SUGP1: variants seen among roughly 807,000 people sequenced by gnomAD.
The protein encoded by SUGP1 is SURP and G-patch domain containing 1.
A neutral mutation model predicts 76.5 loss-of-function variants in SUGP1; 34 were observed. That is an observed-to-expected ratio of 0.44 (90% CI 0.34 to 0.59). The LOEUF (loss-of-function observed/expected upper bound fraction) is 0.59, where lower values mean the gene tolerates loss of function less well. Among genes scored for constraint, SUGP1 ranks in the 20% least tolerant of loss-of-function variants. The probability of loss-of-function intolerance (pLI) is 0.01; values close to 1 mark genes in which losing one functional copy is unlikely to be tolerated. For missense variants in SUGP1, 752 were observed against 851.7 expected (o/e 0.88, Z 1.46); for synonymous variants, 326 against 326.2 (o/e 1.00, Z 0.01).
At chr19:19,306,110 T>G in intron 3 of SUGP1, 34 bp from the exon 4 acceptor site, 90 of 1,494,752 alleles carry the variant, frequency 6.0e-5, no homozygotes, top group Middle Eastern at 2.0e-4. Context: ...GCACTCGGGA[T>G]CTGCAGGGCA....
chr19:19,312,010 T>C (rs2061356521), intron 2 of SUGP1, among the ~76,000 whole-genome samples: 2 of 151,848 alleles, frequency 1.3e-5, no homozygotes, highest in Admixed American at 6.6e-5. Flanking sequence ...AGGCTCATTA[T>C]GGAACAAATG....
At chr19:19,319,878 G>A (rs1232631253) in intron 1 of SUGP1, among the ~76,000 whole-genome samples, 5 of 152,058 alleles carry the variant, frequency 3.3e-5, no homozygotes, top group African/African-American at 9.7e-5. Flanking sequence ...CAACCTCCAG[G>A]AAGGCAGGGC....
At chr19:19,310,627 T>C (rs977501596) in intron 2 of SUGP1, among the ~76,000 whole-genome samples, 3 of 152,118 alleles carry the variant, frequency 2.0e-5, no homozygotes, top group Non-Finnish European at 4.4e-5. Flanking sequence ...CATGTCTCTC[T>C]CTCTCTGTCT....
chr19:19,278,872 C>A, intron 10 of SUGP1, 76 bp from the exon 11 acceptor site: 1 of 1,473,434 alleles, frequency 6.8e-7, no homozygotes, highest in Non-Finnish European at 9.3e-7. Context: ...TCCCAGGGCA[C>A]AGGTATGAGG....
At chr19:19,282,165 A>C (rs2061103667) in intron 8 of SUGP1, among the ~76,000 whole-genome samples, 1 of 152,136 alleles carries the variant, frequency 6.6e-6, no homozygotes. Flanking sequence ...TTTTTAGTAG[A>C]GACGGAGTTT....
At chr19:19,290,919 C>T (rs2061177636) in intron 8 of SUGP1, among the ~76,000 whole-genome samples, 2 of 152,142 alleles carry the variant, frequency 1.3e-5, no homozygotes, top group South Asian at 4.1e-4. Context: ...GAGCTCGAGA[C>T]CAGCCTGGCC....
At chr19:19,308,867 T>C (rs2061334811) in intron 3 of SUGP1, among the ~76,000 whole-genome samples, 1 of 124,700 alleles carries the variant, frequency 8.0e-6, no homozygotes, top group Non-Finnish European at 1.6e-5. Context: ...GCCCCCTTGG[T>C]AATTTTTTTT....
chr19:19,277,872 C>T lies in SUGP1; in HGVS notation c.1643G>A (p.Arg548His), dbSNP rs552135971. The T allele has an allele frequency of 2.5e-6, 4 of 1,613,688 alleles. No individual in the cohort carries two copies. The highest frequency in any genetic ancestry group is 1.7e-4 in the Middle Eastern group (1 of 6,058). Residue 548 changes from arginine to histidine, a missense_variant, in exon 12 of 14, where the codon CGT becomes CAT. By Grantham distance (29) the Arg-to-His change is conservative. This residue lies in a region of SUGP1 where 132 missense variants were observed against 234.4 expected (regional missense o/e 0.56). Transcript: ENST00000247001. ...METFKALKEG[R>H]EPDYSEYKEF... ...CTTGTACTCTGAGTAGTCAGGCTCA[C>T]GGCCCTCCTGCAAGGTGAGGAGGTA...
At chr19:19,299,361 CTTT>C (rs1344858204) in intron 7 of SUGP1, among the ~76,000 whole-genome samples, 1 of 131,424 alleles carries the variant, frequency 7.6e-6, no homozygotes, top group African/African-American at 3.4e-5. Context: ...GTGTCACTGA[CTTT>C]TCTTTTTTTT....
At chr19:19,311,185 C>T (rs1599870306) in intron 2 of SUGP1, among the ~76,000 whole-genome samples, 1 of 151,974 alleles carries the variant, frequency 6.6e-6, no homozygotes, top group African/African-American at 2.4e-5. Flanking sequence ...TGACACTGTT[C>T]CTGGCCAATG....
intron 1 of SUGP1, among the ~76,000 whole-genome samples, chr19:19,319,528 G>C (rs2061422194): frequency 1.3e-5 from 2 of 151,628 alleles, no homozygotes; most frequent in Admixed American, 1.3e-4. Context: ...CTTGAGCCTA[G>C]GAATTCCAGA....
In SUGP1 at chr19:19,277,833, G is replaced by T. The variant is rs1332144920; in HGVS notation, c.1682C>A (p.Thr561Asn). Reference protein sequence around the residue: ...DYSEYKEFKLTVENIGYQMLM... With the variant: ...DYSEYKEFKLNVENIGYQMLM... ...CATCTGGTAGCCGATGTTCTCCACA[G>T]TCAGCTTGAACTCCTTGTACTCTGA... The change falls in exon 12 of 14, where the codon ACT (threonine) becomes AAT (asparagine). Residue 561 changes from threonine to asparagine, a missense_variant. By Grantham distance (65) the Thr-to-Asn change is moderately conservative. This residue lies in a region of SUGP1 where 132 missense variants were observed against 234.4 expected (regional missense o/e 0.56). Coordinates refer to ENST00000247001, the MANE Select transcript of SUGP1 (RefSeq NM_172231.4). 1.2e-6 allele frequency: 2 copies of T among 1,614,026 alleles called. No individual in the cohort carries two copies. The highest frequency in any genetic ancestry group is 1.7e-6 in the Non-Finnish European group (2 of 1,179,982).
chr19:19,279,095 TG>T, intron 10 of SUGP1, 117 bp downstream of exon 10: 2 of 1,178,766 alleles, frequency 1.7e-6, no homozygotes, highest in Non-Finnish European at 2.3e-6. Flanking sequence ...GGAAGCAGGC[TG>T]GGGGCTAAAC....
At chr19:19,285,751 G>A (rs1248431244) in intron 8 of SUGP1, among the ~76,000 whole-genome samples, 1 of 151,906 alleles carries the variant, frequency 6.6e-6, no homozygotes, top group Non-Finnish European at 1.5e-5. Context: ...GTTTTTTGTA[G>A]AGACAGGGTT....
Position 19,276,500 on chromosome 19 carries a change from G to A in SUGP1, c.*148C>T. On this transcript the variant is annotated 3_prime_UTR_variant, in exon 14 of 14. Transcript: ENST00000247001. Reference sequence around the variant, plus strand: ...TAACAGGAGGGGCTTCCTGCAACAGGACCAGGCATCTGTGGTGGATGAGCA... The same window carrying A: ...TAACAGGAGGGGCTTCCTGCAACAGAACCAGGCATCTGTGGTGGATGAGCA... The A allele has an allele frequency of 2.2e-6, 2 of 918,782 alleles. No homozygotes were observed. The highest frequency in any genetic ancestry group is 3.4e-6 in the Non-Finnish European group (2 of 587,822). 56.9% of individuals were successfully genotyped at this position (918,782 alleles called of 1,614,324 possible). A position where few individuals can be genotyped will look rare whatever the true frequency, so the allele number is the denominator to read the frequency against.
At chr19:19,278,170 A>G (rs1298142091) in intron 11 of SUGP1, among the ~76,000 whole-genome samples, 1 of 152,156 alleles carries the variant, frequency 6.6e-6, no homozygotes, top group Non-Finnish European at 1.5e-5. Context: ...TGGCAAAGAG[A>G]AGCCCCGTGT....
At chr19:19,314,151 AT>A (rs2061374352) in intron 2 of SUGP1, among the ~76,000 whole-genome samples, 1 of 149,848 alleles carries the variant, frequency 6.7e-6, no homozygotes, top group Non-Finnish European at 1.5e-5. Context: ...AATAAAATAA[AT>A]AAATAAATAA....
intron 1 of SUGP1, 67 bp from the exon 2 acceptor site, chr19:19,316,660 A>G: frequency 6.5e-7 from 1 of 1,547,110 alleles, no homozygotes. Flanking sequence ...AAGCTGTGAC[A>G]GGCCAGAGAG....
chr19:19,293,337 A>G (rs926208206), intron 8 of SUGP1, among the ~76,000 whole-genome samples: 3 of 151,932 alleles, frequency 2.0e-5, no homozygotes, highest in Non-Finnish European at 4.4e-5. Flanking sequence ...TAATCCCAGC[A>G]CTTTGGGAGG....
Sources: allele counts gnomAD v4.1 joint callset (sites outside exome capture counted in the v4.1 genomes callset), GRCh38; gene constraint gnomAD v4.1.1; regional missense constraint gnomAD v4.1.1; transcripts MANE v1.5; gene names NCBI Gene and HGNC (gene_info 2026-07-23, HGNC 2026-07-21).